ZFYVE26: variants seen among roughly 807,000 people sequenced by gnomAD.
ZFYVE26 encodes the protein zinc finger FYVE-type containing 26.
In ZFYVE26, 181 loss-of-function variants were observed where a neutral mutation model predicts 276.5. That is an observed-to-expected ratio of 0.65 (90% CI 0.58 to 0.74). The LOEUF is 0.74. Among genes scored for constraint, ZFYVE26 ranks in the 30% least tolerant of loss-of-function variants. The pLI, the probability that ZFYVE26 is intolerant of heterozygous loss-of-function variation, is 0.00. For synonymous variants in ZFYVE26, 1,129 were observed against 1,203.1 expected (o/e 0.94, Z 1.27); for missense variants, 2,821 against 3,097.9 (o/e 0.91, Z 2.12).
At chr14:67,795,355 C>T (rs995206986) in intron 12 of ZFYVE26, among the ~76,000 whole-genome samples, 6 of 152,212 alleles carry the variant, frequency 3.9e-5, no homozygotes, top group African/African-American at 1.4e-4. Flanking sequence ...TTCATGTTGC[C>T]ACTTAGCTAG....
intron 41 of ZFYVE26, chr14:67,750,726 A>T (rs1208569234): frequency 4.8e-6 from 2 of 413,354 alleles, no homozygotes; most frequent in African/African-American, 4.1e-5. Flanking sequence ...AGTCCACCCA[A>T]AGATGGAGGT....
chr14:67,759,647 G>A (rs970410339), intron 35 of ZFYVE26, among the ~76,000 whole-genome samples: 2 of 141,350 alleles, frequency 1.4e-5, no homozygotes, highest in African/African-American at 5.3e-5. Flanking sequence ...AAAGTGCATG[G>A]TATATCAGGA....
downstream of ZFYVE26, among the ~76,000 whole-genome samples, chr14:67,744,573 C>A (rs779407295): frequency 2.0e-5 from 3 of 152,118 alleles, no homozygotes; most frequent in Non-Finnish European, 2.9e-5. Flanking sequence ...CTCTTTCCCA[C>A]CCACGACAGG....
At chr14:67,745,943 A>G (rs1177786834), downstream of ZFYVE26, among the ~76,000 whole-genome samples, 6 of 54,086 alleles carry the variant, frequency 1.1e-4, no homozygotes, top group East Asian at 2.1e-3. Flanking sequence ...AAAAAAAAAA[A>G]AAAAAAAAAA....
chr14:67,772,301 A>C, intron 27 of ZFYVE26, 91 bp from the exon 28 acceptor site: 1 of 1,409,274 alleles, frequency 7.1e-7, no homozygotes, highest in Non-Finnish European at 9.8e-7. Flanking sequence ...CCATTTTACA[A>C]ACCGTTATTG....
rs773596359 is a variant in ZFYVE26, at chr14:67,815,842, T to A, written c.122A>T (p.Glu41Val). 20 of 1,613,984 alleles carry A rather than the reference T, an allele frequency of 1.2e-5. No homozygotes were observed. In the Admixed American group the frequency reaches 1.7e-4, roughly 13 times the overall value. The change falls in exon 2 of 42, where the codon GAG becomes GTG. Residue 41 changes from glutamate (E) to valine (V), a missense_variant. By Grantham distance (121) the Glu-to-Val change is moderately radical. Coordinates refer to ENST00000347230, the MANE Select transcript of ZFYVE26 (RefSeq NM_015346.4). ...LAQACVPQLQEGQGDIPKRVE... is the reference protein window; with the variant it reads ...LAQACVPQLQVGQGDIPKRVE... ...CCTCTTTGGGATATCCCCTTGTCCC[T>A]CCTGTAGCTGAGGTACACATGCCTG...
intron 10 of ZFYVE26, among the ~76,000 whole-genome samples, chr14:67,801,441 T>G (rs1295149969): frequency 2.6e-5 from 4 of 152,222 alleles, no homozygotes; most frequent in African/African-American, 4.8e-5. Flanking sequence ...TGATCACGCC[T>G]ACTTAGATCT....
chr14:67,768,708 C>T (rs527860473), intron 29 of ZFYVE26, among the ~76,000 whole-genome samples, 160 bp from the exon 30 acceptor site: 101 of 152,106 alleles, frequency 6.6e-4, no homozygotes, highest in Non-Finnish European at 4.6e-4. Context: ...ATACTAACTG[C>T]CCATTTCAAA....
At chr14:67,804,830 C>G (rs2040144339) in intron 8 of ZFYVE26, among the ~76,000 whole-genome samples, 1 of 152,138 alleles carries the variant, frequency 6.6e-6, no homozygotes, top group African/African-American at 2.4e-5. Flanking sequence ...TTATTTTATA[C>G]CTGTGGGCTT....
At chr14:67,770,018 T>C in intron 28 of ZFYVE26, 2 of 467,354 alleles carry the variant, frequency 4.3e-6, no homozygotes, top group South Asian at 2.1e-5. Flanking sequence ...GAAAAAGTAG[T>C]GGAGAAGAAG....
At chr14:67,729,061 G>T in intron 14 of ZFYVE26, 1 of 923,722 alleles carries the variant, frequency 1.1e-6, no homozygotes, top group Non-Finnish European at 1.8e-6. Context: ...GCCAGGAGTG[G>T]TACCTGCTGA....
chr14:67,737,535 A>G (rs1220765212), intron 13 of ZFYVE26, among the ~76,000 whole-genome samples: 1 of 151,842 alleles, frequency 6.6e-6, no homozygotes, highest in Non-Finnish European at 1.5e-5. Context: ...GATTCAGTCA[A>G]CTCCCACCAG....
rs371174698 is a variant in ZFYVE26, at chr14:67,807,528, A to C, written c.756T>G (p.Ser252Arg). 1.2e-6 allele frequency: 2 copies of C among 1,613,460 alleles called. No homozygotes were observed. Among genetic ancestry groups the C allele is most frequent in the African/African-American group, 1.3e-5 (1 of 74,682 alleles). Residue 252 changes from serine (S) to arginine (R), a missense_variant, in exon 5 of 42, where the codon AGT becomes AGG. Transcript: ENST00000347230. ...TGAGCAGCCGCTCCTCCCGCAGGGGACTCCCCTCGGTCCTGCAGGCCTCTA... is the reference window on the plus strand; with the variant it reads ...TGAGCAGCCGCTCCTCCCGCAGGGGCCTCCCCTCGGTCCTGCAGGCCTCTA... ...ELLEACRTEG[S>R]PLREERLLSC...
chr14:67,809,258 A>C lies in ZFYVE26; in HGVS notation c.305T>G (p.Leu102Arg). Residue 102 changes from leucine to arginine, a missense_variant, in exon 4 of 42, where the codon CTT becomes CGT. Transcript: ENST00000347230. ...GTCTTCTGACAATAAAAGAAACTCA[A>C]GCTTTCTCCGGAAAACAACTGGGAG... ...KLLPVVFRRK[L>R]EFLLLSEDLQ... The C allele has an allele frequency of 6.2e-7, 1 of 1,614,160 alleles. No homozygotes were observed. The highest frequency in any genetic ancestry group is 8.5e-7 in the Non-Finnish European group (1 of 1,180,020).
chr14:67,748,582 G>A lies in ZFYVE26; in HGVS notation c.7474C>T (p.Gln2492Ter), dbSNP rs1333468611. 9.3e-6 allele frequency: 15 copies of A among 1,614,062 alleles called. No homozygotes were observed. The highest frequency in any genetic ancestry group is 1.3e-5 in the Non-Finnish European group (15 of 1,180,056). ...LRSAYLIAVK[Q>*]EHSRATALVQ... ...AGGGCTGTGGCCCGTGAGTGTTCTTGCTTCACAGCAATCAAGTAGGCAGAA... is the reference window on the plus strand; with the variant it reads ...AGGGCTGTGGCCCGTGAGTGTTCTTACTTCACAGCAATCAAGTAGGCAGAA... The change falls in exon 42 of 42, where the codon CAA (glutamine) becomes TAA (stop). Residue 2492 changes from glutamine (Q) to a stop codon, truncating the protein, a stop_gained. Coordinates refer to ENST00000347230, the MANE Select transcript of ZFYVE26 (RefSeq NM_015346.4). LOFTEE classifies it high-confidence loss of function.
intron 39 of ZFYVE26, 113 bp downstream of exon 39, chr14:67,753,594 G>T: frequency 1.8e-6 from 2 of 1,129,012 alleles, no homozygotes; most frequent in Non-Finnish European, 2.6e-6. Context: ...CATCCCTAAT[G>T]TGCATGTAAA....
rs765036575 is a variant in ZFYVE26 at position 67,807,555 on chromosome 14, T to C, written c.729A>G (p.Leu243=). The change falls in exon 5 of 42, where the codon CTA becomes CTG. Residue 243 remains leucine (L), a synonymous_variant. Transcript: ENST00000347230. ...GVELHLLCEE[L]LEACRTEGSP... is the part of the protein sequence containing the mutation. ...TCCCCTCGGTCCTGCAGGCCTCTAGTAGTTCCTCACACAGGAGATGCAACT... is the reference window on the plus strand; with the variant it reads ...TCCCCTCGGTCCTGCAGGCCTCTAGCAGTTCCTCACACAGGAGATGCAACT... 2 of 1,614,176 alleles carry C rather than the reference T, an allele frequency of 1.2e-6. No homozygotes were observed. The highest frequency in any genetic ancestry group is 2.2e-5 in the South Asian group (2 of 91,084).
In ZFYVE26 at chr14:67,794,154, G is replaced by C. The variant is rs766798641; in HGVS notation, c.2401+17C>G. 2 of 1,613,686 alleles carry C rather than the reference G, an allele frequency of 1.2e-6. No homozygotes were observed. Among genetic ancestry groups the C allele is most frequent in the African/African-American group, 2.7e-5 (2 of 74,904 alleles). On this transcript the variant is annotated intron_variant, in intron 13 of 41. Coordinates refer to ENST00000347230, the MANE Select transcript of ZFYVE26 (RefSeq NM_015346.4). ...GCAAAGCTGCTCAAAGTTGGCAACT[G>C]GTGGAAATCTGCATACCTGACGTAC...
At chr14:67,751,157 G>A (rs1594880962) in intron 40 of ZFYVE26, 61 bp from the exon 41 acceptor site, 14 of 1,585,114 alleles carry the variant, frequency 8.8e-6, no homozygotes, top group Admixed American at 6.7e-5. Flanking sequence ...GGGAGCCAGG[G>A]CCCAACCCAG....
Sources: gnomAD v4.1 joint callset for allele counts (sites outside exome capture counted in the v4.1 genomes callset) on GRCh38, gnomAD v4.1.1 for gene constraint, MANE v1.5 for transcripts, NCBI Gene and HGNC (gene_info 2026-07-23, HGNC 2026-07-21) for gene names.